Variants in TUBD1 observed in about 807,000 individuals in gnomAD.
The protein encoded by TUBD1 is tubulin delta 1.
In TUBD1, 38 loss-of-function variants were observed where a neutral mutation model predicts 51.2. That is an observed-to-expected ratio of 0.74 (90% confidence interval 0.57 to 0.97). TUBD1 has a LOEUF of 0.97. Among genes scored for constraint, TUBD1 ranks in the 50% least tolerant of loss-of-function variants. The probability of loss-of-function intolerance (pLI) is 0.00; values close to 1 mark genes in which losing one functional copy is unlikely to be tolerated. For synonymous variants in TUBD1, 169 were observed against 178.2 expected (o/e 0.95, Z 0.41); for missense variants, 489 against 538.4 (o/e 0.91, Z 0.91).
chr17:59,885,612 T>C (rs2040686842), intron 3 of TUBD1: 1 of 919,664 alleles, frequency 1.1e-6, no homozygotes, highest in African/African-American at 1.7e-5. Context: ...CCTAGAAATT[T>C]AACCTTAATG....
At chr17:59,863,267 G>A (rs1457309115) in intron 8 of TUBD1, among the ~76,000 whole-genome samples, 1 of 152,094 alleles carries the variant, frequency 6.6e-6, no homozygotes, top group Non-Finnish European at 1.5e-5. Flanking sequence ...TAGTAACTAT[G>A]CTTCCTGCAG....
rs146981616 is a variant in TUBD1, at chr17:59,875,948, T to A, written c.770-1245A>T. Among the ~76,000 whole-genome samples the A allele has an allele frequency of 5.3e-5, 8 of 152,250 alleles. No homozygotes were observed. In the East Asian group the frequency reaches 5.8e-4, roughly 11 times the overall value. On this transcript the variant is annotated intron_variant, in intron 5 of 8. Transcript: ENST00000325752. ...GAGGATAGGGAAAAATATATTACCATAATATGAAACAAACTTTATAACACT... is the reference window on the plus strand; with the variant it reads ...GAGGATAGGGAAAAATATATTACCAAAATATGAAACAAACTTTATAACACT...
At chr17:59,886,323 A>C (rs1194076308) in intron 2 of TUBD1, 93 bp from the exon 3 acceptor site, 6 of 253,714 alleles carry the variant, frequency 2.4e-5, no homozygotes, top group South Asian at 2.4e-4. Context: ...GTCCAAATCC[A>C]AAAAAAAAAA....
At chr17:59,874,128 G>T (rs1280490000) in intron 6 of TUBD1, among the ~76,000 whole-genome samples, 1 of 146,332 alleles carries the variant, frequency 6.8e-6, no homozygotes, top group Non-Finnish European at 1.5e-5. Context: ...GGCGGAGGTT[G>T]CAGTGAGCTG....
chr17:59,885,735 G>C (rs2040691777), intron 3 of TUBD1, among the ~76,000 whole-genome samples: 1 of 152,158 alleles, frequency 6.6e-6, no homozygotes. Context: ...AGAACCTCAG[G>C]AAATTCTAAT....
chr17:59,881,003 G>A lies in TUBD1; in HGVS notation c.428C>T (p.Ala143Val), dbSNP rs1281420888. The change falls in exon 4 of 9, where the codon GCT becomes GTT. Residue 143 changes from alanine to valine, a missense_variant. By Grantham distance (64) the Ala-to-Val change is moderately conservative. Coordinates refer to ENST00000325752, the MANE Select transcript of TUBD1 (RefSeq NM_016261.4). ...TCCTAATCCTGATCCTGTGCCCCCAGCCATACTCATTATGATGAAAAAACC... is the reference window on the plus strand; with the variant it reads ...TCCTAATCCTGATCCTGTGCCCCCAACCATACTCATTATGATGAAAAAACC... ...FSGFFIIMSM[A>V]GGTGSGLGAF... 6.2e-7 allele frequency: 1 copy of A among 1,613,962 alleles called. No individual in the cohort carries two copies. The highest frequency in any genetic ancestry group is 8.5e-7 in the Non-Finnish European group (1 of 1,179,948).
intron 6 of TUBD1, 26 bp from the exon 7 acceptor site, chr17:59,866,775 G>C (rs2039723341): frequency 1.3e-6 from 2 of 1,573,958 alleles, no homozygotes. Context: ...AAAAGCAAGA[G>C]GTTTTATTTT....
chr17:59,880,858 CA>C, intron 4 of TUBD1, 35 bp downstream of exon 4: 2 of 1,566,330 alleles, frequency 1.3e-6, no homozygotes, highest in Non-Finnish European at 1.8e-6. Context: ...TTGCAAAGAA[CA>C]TAAAACATAA....
chr17:59,885,667 AAAC>A, intron 3 of TUBD1: 2 of 630,526 alleles, frequency 3.2e-6, no homozygotes, highest in Non-Finnish European at 5.5e-6. Context: ...AAACAAAACA[AAAC>A]AAAACAAAAA....
intron 4 of TUBD1, among the ~76,000 whole-genome samples, chr17:59,879,753 T>A (rs891903742): frequency 1.9e-4 from 29 of 150,780 alleles, no homozygotes; most frequent in Admixed American, 4.0e-4. Context: ...TGAAAAAAAA[T>A]TTTTCTTTTT....
chr17:59,889,967 CAAAAAAAAAA>C (rs35427875), intron 2 of TUBD1, among the ~76,000 whole-genome samples: 9 of 69,390 alleles, frequency 1.3e-4, no homozygotes, highest in African/African-American at 4.9e-4. Context: ...GAGACTCTCT[CAAAAAAAAAA>C]AAAAAAAAAA....
At position 59,863,860 on chromosome 17, in the gene TUBD1, C is replaced by A; in HGVS notation, c.1076-13G>T. On this transcript the variant is annotated splice_polypyrimidine_tract_variant and intron_variant, in intron 7 of 8. Transcript: ENST00000325752. ...TCTTTAAATCCCTCTAGAGTAAAAA[C>A]AAGATAAGCCGTCTTTTTATAGCAT... is the stretch of plus-strand genomic sequence containing the variant. 1 of 1,463,474 alleles carries A rather than the reference C, an allele frequency of 6.8e-7. No homozygotes were observed. Among genetic ancestry groups the A allele is most frequent in the South Asian group, 1.5e-5 (1 of 67,992 alleles). 90.7% of individuals were successfully genotyped at this position (1,463,474 alleles called of 1,614,324 possible). A position where few individuals can be genotyped will look rare whatever the true frequency, so the allele number is the denominator to read the frequency against.
intron 3 of TUBD1, among the ~76,000 whole-genome samples, chr17:59,882,647 G>A (rs1336494502): frequency 6.6e-6 from 1 of 152,088 alleles, no homozygotes; most frequent in Non-Finnish European, 1.5e-5. Context: ...ACCCAGGCTG[G>A]AGTGAAATGT....
intron 7 of TUBD1, 164 bp downstream of exon 7, chr17:59,866,445 G>A (rs568142532): frequency 4.2e-6 from 3 of 720,624 alleles, no homozygotes; most frequent in South Asian, 3.9e-5. Flanking sequence ...CTATATTGGT[G>A]TCTAGTCACA....
In TUBD1 at chr17:59,861,660, TTTTGTTTG is replaced by T. The variant is rs560573630; in HGVS notation, c.1260-1244_1260-1237del. Among the ~76,000 whole-genome samples, 196 of 151,772 alleles carry T rather than the reference TTTTGTTTG, an allele frequency of 1.3e-3. 1 individual carries two copies. The highest frequency in any genetic ancestry group is 7.6e-3 in the East Asian group (39 of 5,116). ...CTTCATGGCCCTGTGGAGTGGGTTT[TTTTGTTTG>T]TTTGTTTGTTTGTTTTTGAGACAGA... On this transcript the variant is annotated intron_variant, in intron 8 of 8. Transcript: ENST00000325752.
At chr17:59,864,045 C>T (rs1026419376) in intron 7 of TUBD1, among the ~76,000 whole-genome samples, 198 bp from the exon 8 acceptor site, 3 of 151,856 alleles carry the variant, frequency 2.0e-5, no homozygotes, top group African/African-American at 4.8e-5. Flanking sequence ...AGTTCGAGAC[C>T]AGCCTGGGCA....
chr17:59,879,456 A>G (rs2645493), intron 4 of TUBD1, among the ~76,000 whole-genome samples: 152,177 of 152,178 alleles, frequency 1, 76,088 homozygotes, highest in Middle Eastern at 1. Flanking sequence ...TTTTTTTTGA[A>G]ACAGAGTCTT....
chr17:59,875,629 AG>A (rs1470403206), intron 5 of TUBD1, among the ~76,000 whole-genome samples: 1 of 151,706 alleles, frequency 6.6e-6, no homozygotes, highest in Non-Finnish European at 1.5e-5. Flanking sequence ...GCGTTGTGGC[AG>A]GCACCTGTAA....
At position 59,888,727 on chromosome 17, in the gene TUBD1, CT is replaced by C. The variant is rs11462592; in HGVS notation, c.172+2103del. On this transcript the variant is annotated intron_variant, in intron 2 of 8. Transcript: ENST00000325752. ...GTTCAAGGAGAGAGTTGTTTTTTGT[CT>C]TTTTTTTTTCTTTTTTGAGACGGAG... Among the ~76,000 whole-genome samples the C allele has an allele frequency of 5.3e-4, 78 of 148,170 alleles. 1 individual carries two copies. The highest frequency in any genetic ancestry group is 2.5e-3 in the South Asian group (11 of 4,452).
Sources: gnomAD v4.1 joint callset for allele counts (sites outside exome capture counted in the v4.1 genomes callset) on GRCh38, gnomAD v4.1.1 for gene constraint, MANE v1.5 for transcripts, NCBI Gene and HGNC (gene_info 2026-07-23, HGNC 2026-07-21) for gene names.